The following DMRT1 variants were observed in gnomAD, a reference collection of about 807,000 sequenced individuals.
DMRT1 encodes the protein doublesex and mab-3 related transcription factor 1.
In DMRT1, 7 loss-of-function variants were observed where a neutral mutation model predicts 32.3. The ratio of observed to expected loss-of-function variants is 0.22; its 90% confidence interval spans 0.12 to 0.41. DMRT1 has a LOEUF of 0.41. Among genes scored for constraint, DMRT1 ranks in the 10% least tolerant of loss-of-function variants. DMRT1 has a pLI of 1.00. For missense variants in DMRT1, 625 were observed against 500.5 expected (o/e 1.25, Z -2.37); for synonymous variants, 278 against 206.1 (o/e 1.35, Z -2.99).
chr9:968,057 G>A lies in DMRT1; in HGVS notation c.1040G>A (p.Ser347Asn). ...LSSSSPISNKSTKAVLECEPA... is the reference protein window; with the variant it reads ...LSSSSPISNKNTKAVLECEPA... ...AGCAGCTCTCCTATTAGTAACAAGA[G>A]CACAAAGGCAGTGCTTGAATGTGAG... Residue 347 changes from serine to asparagine, a missense_variant, in exon 5 of 5, where the codon AGC becomes AAC. Coordinates refer to ENST00000382276, the MANE Select transcript of DMRT1 (RefSeq NM_021951.3). 6.2e-7 allele frequency: 1 copy of A among 1,614,130 alleles called. No individual in the cohort carries two copies. Among genetic ancestry groups the A allele is most frequent in the Non-Finnish European group, 8.5e-7 (1 of 1,180,046 alleles).
At chr9:862,271 T>A (rs1026275016) in intron 2 of DMRT1, among the ~76,000 whole-genome samples, 48 of 152,208 alleles carry the variant, frequency 3.2e-4, no homozygotes, top group South Asian at 8.3e-4. Context: ...AGGCCGAGGC[T>A]GGCAGACCAC....
chr9:926,088 T>A (rs1293573414), intron 4 of DMRT1, among the ~76,000 whole-genome samples: 1 of 152,218 alleles, frequency 6.6e-6, no homozygotes, highest in Non-Finnish European at 1.5e-5. Flanking sequence ...AATGCCCCCA[T>A]CTGGGGTTGT....
chr9:915,032 C>T (rs1818125366), intron 3 of DMRT1, among the ~76,000 whole-genome samples: 3 of 152,142 alleles, frequency 2.0e-5, no homozygotes, highest in Admixed American at 2.0e-4. Context: ...TTTCAAGTAC[C>T]ATTTAAAATA....
At chr9:861,204 G>GC (rs1815649544) in intron 2 of DMRT1, among the ~76,000 whole-genome samples, 1 of 151,970 alleles carries the variant, frequency 6.6e-6, no homozygotes, top group Non-Finnish European at 1.5e-5. Flanking sequence ...AGAGGGCCCT[G>GC]CCGCCTTCCG....
intron 2 of DMRT1, among the ~76,000 whole-genome samples, chr9:887,717 C>T (rs1287438683): frequency 1.3e-5 from 2 of 152,296 alleles, no homozygotes; most frequent in African/African-American, 2.4e-5. Context: ...GCTCATCACT[C>T]ACCGTGGCCT....
intron 4 of DMRT1, among the ~76,000 whole-genome samples, chr9:961,180 G>C (rs1383100804): frequency 6.6e-6 from 1 of 152,102 alleles, no homozygotes; most frequent in Non-Finnish European, 1.5e-5. Context: ...TCTGACCCAG[G>C]GACAGTTTCT....
At chr9:940,406 A>G (rs993276694) in intron 4 of DMRT1, among the ~76,000 whole-genome samples, 1 of 152,156 alleles carries the variant, frequency 6.6e-6, no homozygotes, top group Non-Finnish European at 1.5e-5. Context: ...TAACTCCCAC[A>G]TGTATGGTCA....
intron 3 of DMRT1, among the ~76,000 whole-genome samples, chr9:908,647 A>G (rs1410532423): frequency 1.3e-5 from 2 of 151,750 alleles, no homozygotes; most frequent in African/African-American, 4.8e-5. Context: ...AGCTACTGTA[A>G]TACAAACTTT....
At chr9:881,004 G>T (rs573967527) in intron 2 of DMRT1, among the ~76,000 whole-genome samples, 1 of 152,140 alleles carries the variant, frequency 6.6e-6, no homozygotes, top group East Asian at 1.9e-4. Context: ...CACCAAGCTT[G>T]AATGGGTTTA....
chr9:919,638 A>G (rs1818292800), intron 4 of DMRT1, among the ~76,000 whole-genome samples: 1 of 152,198 alleles, frequency 6.6e-6, no homozygotes, highest in African/African-American at 2.4e-5. Flanking sequence ...GAGCCATAGC[A>G]GGGTTCAAGC....
At chr9:953,486 G>T (rs1220747687) in intron 4 of DMRT1, among the ~76,000 whole-genome samples, 2 of 152,120 alleles carry the variant, frequency 1.3e-5, no homozygotes, top group Admixed American at 1.3e-4. Context: ...TCTTGCAGTT[G>T]TCAAAGGCCT....
At chr9:939,509 GA>G (rs1418016355) in intron 4 of DMRT1, among the ~76,000 whole-genome samples, 3 of 152,174 alleles carry the variant, frequency 2.0e-5, no homozygotes, top group Non-Finnish European at 4.4e-5. Flanking sequence ...CACACATGCT[GA>G]AAATATTTTG....
chr9:941,790 AATG>A (rs1819082355), intron 4 of DMRT1, among the ~76,000 whole-genome samples: 1 of 152,238 alleles, frequency 6.6e-6, no homozygotes, highest in Admixed American at 6.5e-5. Flanking sequence ...CATGTATCAA[AATG>A]ATAACATTAT....
At chr9:936,445 G>A (rs773884557) in intron 4 of DMRT1, among the ~76,000 whole-genome samples, 45 of 152,036 alleles carry the variant, frequency 3.0e-4, no homozygotes, top group Non-Finnish European at 6.5e-4. Flanking sequence ...GAGGTTATTA[G>A]GCTATATTAA....
chr9:851,250 A>G (rs1839139277), intron 2 of DMRT1, among the ~76,000 whole-genome samples: 1 of 151,796 alleles, frequency 6.6e-6, no homozygotes, highest in African/African-American at 2.4e-5. Flanking sequence ...TTATTTATTT[A>G]TTTTTTGAGA....
intron 2 of DMRT1, among the ~76,000 whole-genome samples, chr9:851,485 G>C (rs1316469981): frequency 1.3e-5 from 2 of 152,080 alleles, no homozygotes; most frequent in Non-Finnish European, 2.9e-5. Context: ...ATGATTGCCC[G>C]CCTCGGCCTC....
chr9:928,310 T>C (rs979066104), intron 4 of DMRT1, among the ~76,000 whole-genome samples: 1 of 152,216 alleles, frequency 6.6e-6, no homozygotes, highest in East Asian at 1.9e-4. Context: ...CTGTTAAGTA[T>C]AGCAGGATTG....
chr9:908,155 A>G (rs898677093), intron 3 of DMRT1, among the ~76,000 whole-genome samples: 8 of 152,186 alleles, frequency 5.3e-5, no homozygotes, highest in African/African-American at 1.9e-4. Context: ...CTTAATGGGT[A>G]TTCAGGATTG....
In DMRT1 at chr9:914,573, C is replaced by CAAAA. The variant is rs34584256; in HGVS notation, c.823-2170_823-2167dup. 2.1e-3 allele frequency among the ~76,000 whole-genome samples: 140 copies of CAAAA among 65,814 alleles called. 2 individuals carry two copies. Among genetic ancestry groups the CAAAA allele is most frequent in the Middle Eastern group, 0.024 (2 of 82 alleles). The allele number at this position is 65,814 out of a possible 152,430, so 43.2% of individuals were successfully genotyped here. On this transcript the variant is annotated intron_variant, in intron 3 of 4. Coordinates refer to ENST00000382276, the MANE Select transcript of DMRT1 (RefSeq NM_021951.3). The stretch of plus-strand genomic sequence containing the variant: ...TGGGCGACAGAGTGGGACTCTGTCT[C>CAAAA]AAAAAAAAAAAAAAAAAAAAAAAGA...
Sources: allele counts gnomAD v4.1 joint callset (sites outside exome capture counted in the v4.1 genomes callset), GRCh38; gene constraint gnomAD v4.1.1; transcripts MANE v1.5; gene names NCBI Gene and HGNC (gene_info 2026-07-23, HGNC 2026-07-21).